B3GALT1: variants seen among roughly 807,000 people sequenced by gnomAD.
B3GALT1 encodes the protein UDP-Gal:betaGlcNAc beta 1,3-galactosyltransferase, polypeptide 1.
Under a neutral mutation model 23.2 loss-of-function variants are expected in B3GALT1, and 10 were observed. The ratio of observed to expected loss-of-function variants is 0.43; its 90% CI spans 0.27 to 0.73. The LOEUF (loss-of-function observed/expected upper bound fraction) is 0.73. B3GALT1 is among the 30% of genes least tolerant of loss of function. B3GALT1 has a pLI of 0.21. For synonymous variants in B3GALT1, 156 were observed against 141.5 expected (o/e 1.10, Z -0.73); for missense variants, 299 against 405.4 (o/e 0.74, Z 2.25).
intron 4 of B3GALT1, among the ~76,000 whole-genome samples, chr2:167,857,415 C>G (rs1690019286): frequency 6.6e-6 from 1 of 152,034 alleles, no homozygotes; most frequent in Admixed American, 6.6e-5. Context: ...GAGTTCAAGG[C>G]ACCAGTAGGA....
At chr2:167,390,645 C>T (rs1272863259) in intron 1 of B3GALT1, among the ~76,000 whole-genome samples, 1 of 152,156 alleles carries the variant, frequency 6.6e-6, no homozygotes, top group East Asian at 1.9e-4. Flanking sequence ...CAGGAATCTC[C>T]CGTTTAAGAT....
At position 167,712,065 on chromosome 2, in the gene B3GALT1, G is replaced by A. The variant is rs571618741; in HGVS notation, c.-352+65099G>A. Among the ~76,000 whole-genome samples the A allele has an allele frequency of 2.2e-4, 33 of 152,204 alleles. No homozygotes were observed. In the South Asian group the frequency reaches 6.9e-3, roughly 32 times the overall value. ...TTTCCCCAATGTTCAGTTTATTTCT[G>A]TGTTTTTGGCTTTCATTCCTTACTT... is the stretch of plus-strand genomic sequence containing the variant. On this transcript the variant is annotated intron_variant, in intron 3 of 4. Coordinates refer to ENST00000392690, the MANE Select transcript of B3GALT1 (RefSeq NM_020981.4).
In B3GALT1 at chr2:167,770,125, G is replaced by A. The variant is rs76791622; in HGVS notation, c.-351-48547G>A. On this transcript the variant is annotated intron_variant, in intron 3 of 4. Coordinates refer to ENST00000392690, the MANE Select transcript of B3GALT1 (RefSeq NM_020981.4). ...TTGTTTTGTTTTGTTTTGTTTTTTT[G>A]AGACTGCGTCTCCCGCTGCCACCCA... 6.1e-3 allele frequency among the ~76,000 whole-genome samples: 924 copies of A among 151,866 alleles called. 7 individuals carry two copies. Among genetic ancestry groups the A allele is most frequent in the African/African-American group, 0.021 (872 of 41,420 alleles).
chr2:167,440,038 A>T (rs1698854158), intron 1 of B3GALT1, among the ~76,000 whole-genome samples: 1 of 151,970 alleles, frequency 6.6e-6, no homozygotes, highest in Non-Finnish European at 1.5e-5. Context: ...TTTATTTTGA[A>T]AAAATCGGTA....
chr2:167,738,494 A>G (rs17643540), intron 3 of B3GALT1, among the ~76,000 whole-genome samples: 14,596 of 152,220 alleles, frequency 0.096, 945 homozygotes, highest in Middle Eastern at 0.19. Context: ...TTTTTATCAA[A>G]TGATATTTTT....
At chr2:167,354,238 G>C (rs1697364031) in intron 1 of B3GALT1, among the ~76,000 whole-genome samples, 1 of 152,062 alleles carries the variant, frequency 6.6e-6, no homozygotes, top group South Asian at 2.1e-4. Flanking sequence ...CTCTAAAATA[G>C]CTAAAGTCTC....
intron 1 of B3GALT1, among the ~76,000 whole-genome samples, chr2:167,410,246 G>A (rs1291714714): frequency 2.0e-5 from 3 of 152,064 alleles, no homozygotes; most frequent in Non-Finnish European, 2.9e-5. Context: ...GCTCACACGT[G>A]TAATCCCAGC....
intron 3 of B3GALT1, among the ~76,000 whole-genome samples, chr2:167,801,434 G>A (rs920407514): frequency 3.3e-5 from 5 of 152,188 alleles, no homozygotes; most frequent in African/African-American, 9.7e-5. Context: ...TCTTATATTT[G>A]TGATGTTTTC....
intron 3 of B3GALT1, among the ~76,000 whole-genome samples, chr2:167,731,376 T>G (rs1687406864): frequency 6.6e-6 from 1 of 152,216 alleles, no homozygotes; most frequent in South Asian, 2.1e-4. Context: ...GATATTTCTC[T>G]GCACACTTAG....
At chr2:167,814,481 G>T (rs1025260032) in intron 3 of B3GALT1, among the ~76,000 whole-genome samples, 1 of 152,188 alleles carries the variant, frequency 6.6e-6, no homozygotes, top group Non-Finnish European at 1.5e-5. Flanking sequence ...ATTTACTGGG[G>T]CCGGGAGCGG....
At chr2:167,397,881 G>T (rs2105287194) in intron 1 of B3GALT1, among the ~76,000 whole-genome samples, 1 of 152,184 alleles carries the variant, frequency 6.6e-6, no homozygotes, top group East Asian at 1.9e-4. Flanking sequence ...GCTGCTGCCA[G>T]AACCTAAGAA....
At chr2:167,473,167 C>T (rs1414170102) in intron 1 of B3GALT1, among the ~76,000 whole-genome samples, 1 of 152,090 alleles carries the variant, frequency 6.6e-6, no homozygotes, top group Non-Finnish European at 1.5e-5. Flanking sequence ...ACTTATTGGA[C>T]AACTACTACA....
chr2:167,407,716 A>G (rs1361236704), intron 1 of B3GALT1, among the ~76,000 whole-genome samples: 1 of 152,172 alleles, frequency 6.6e-6, no homozygotes, highest in Non-Finnish European at 1.5e-5. Flanking sequence ...ATTATACTCC[A>G]ACAAACTTGG....
chr2:167,561,033 C>A (rs963587462), intron 2 of B3GALT1, among the ~76,000 whole-genome samples: 1 of 152,000 alleles, frequency 6.6e-6, no homozygotes, highest in African/African-American at 2.4e-5. Flanking sequence ...ACACCTATTC[C>A]AAAATTGACC....
In B3GALT1 at chr2:167,293,234, CG is replaced by C. The variant is rs1425287129; in HGVS notation, c.-607del. On this transcript the variant is annotated 5_prime_UTR_variant, in exon 1 of 5. The change creates a premature stop within an existing upstream ORF in the 5' untranslated region. Transcript: ENST00000392690. ...GAGAAGTGATGCTGGCGCCGGGGAT[CG>C]GGGCAGCGGCAGCGGAGCAGCAGCA... The C allele has an allele frequency of 6.6e-6, 1 of 152,038 alleles. No homozygotes were observed. Among genetic ancestry groups the C allele is most frequent in the African/African-American group, 2.4e-5 (1 of 41,434 alleles). The allele number at this position is 152,038 out of a possible 1,614,324, so 9.4% of individuals were successfully genotyped here.
At chr2:167,616,075 A>G (rs1363382686) in intron 2 of B3GALT1, among the ~76,000 whole-genome samples, 1 of 74,182 alleles carries the variant, frequency 1.3e-5, no homozygotes, top group Admixed American at 2.1e-4. Flanking sequence ...AAAGCACTTT[A>G]CAAAGAAAAA....
At chr2:167,447,621 A>G (rs759747161) in intron 1 of B3GALT1, among the ~76,000 whole-genome samples, 2 of 152,080 alleles carry the variant, frequency 1.3e-5, no homozygotes, top group Non-Finnish European at 2.9e-5. Context: ...CTGCTGTATT[A>G]GCAATGAGTG....
intron 3 of B3GALT1, among the ~76,000 whole-genome samples, chr2:167,730,882 A>G (rs1036182981): frequency 1.3e-5 from 2 of 152,208 alleles, no homozygotes; most frequent in Admixed American, 1.3e-4. Flanking sequence ...TTTATTGAGT[A>G]CTTACAATGT....
At chr2:167,813,894 A>G (rs796359982) in intron 3 of B3GALT1, among the ~76,000 whole-genome samples, 22 of 152,356 alleles carry the variant, frequency 1.4e-4, no homozygotes, top group African/African-American at 5.3e-4. Context: ...TTTAAAATCA[A>G]CTTTTAAAAT....
Sources: allele counts gnomAD v4.1 joint callset (sites outside exome capture counted in the v4.1 genomes callset), GRCh38; gene constraint gnomAD v4.1.1; transcripts MANE v1.5; gene names NCBI Gene and HGNC (gene_info 2026-07-23, HGNC 2026-07-21).